The following CHP1 variants were observed in gnomAD, a reference collection of about 807,000 sequenced individuals.
CHP1 encodes the protein calcineurin B homologous protein 1.
CHP1 carries 11 observed loss-of-function variants against 27.4 expected under a neutral mutation model. The observed-to-expected ratio is 0.40, with a 90% CI of 0.25 to 0.67. The LOEUF (loss-of-function observed/expected upper bound fraction) is 0.67, where lower values mean the gene tolerates loss of function less well. Among genes scored for constraint, CHP1 ranks in the 30% least tolerant of loss-of-function variants. CHP1 has a pLI of 0.38. For missense variants in CHP1, 169 were observed against 251.3 expected, an observed-to-expected ratio of 0.67 and a Z score of 2.22; for synonymous variants, 89 against 87.4, an observed-to-expected ratio of 1.02 and a Z score of -0.10.
intron 3 of CHP1, among the ~76,000 whole-genome samples, chr15:41,257,745 A>T (rs552228144): frequency 2.6e-5 from 4 of 151,698 alleles, no homozygotes; most frequent in African/African-American, 9.7e-5. Context: ...TTTTTAGTAG[A>T]GACAGGGTTT....
chr15:41,233,594 T>C (rs1301861803), intron 1 of CHP1, among the ~76,000 whole-genome samples: 1 of 152,202 alleles, frequency 6.6e-6, no homozygotes, highest in Non-Finnish European at 1.5e-5. Context: ...ACAGTGTCTG[T>C]TCAGTACTGT....
chr15:41,267,784 T>A (rs1382397770), intron 4 of CHP1, among the ~76,000 whole-genome samples: 1 of 146,404 alleles, frequency 6.8e-6, no homozygotes, highest in African/African-American at 2.6e-5. Context: ...AAAAAAAAAA[T>A]TGAGCTGGGC....
chr15:41,248,138 T>C (rs1281680541), intron 2 of CHP1, among the ~76,000 whole-genome samples: 2 of 151,800 alleles, frequency 1.3e-5, no homozygotes, highest in African/African-American at 4.8e-5. Flanking sequence ...CTGTTCTCCA[T>C]GCTGGCAATA....
chr15:41,268,641 CAAA>C (rs781241008), intron 4 of CHP1, among the ~76,000 whole-genome samples: 1 of 128,992 alleles, frequency 7.8e-6, no homozygotes. Context: ...GACTCCATCT[CAAA>C]AAAAAAAAAA....
intron 1 of CHP1, among the ~76,000 whole-genome samples, chr15:41,233,308 T>G (rs895989804): frequency 6.6e-6 from 1 of 152,134 alleles, no homozygotes; most frequent in African/African-American, 2.4e-5. Flanking sequence ...AATGAGAAAG[T>G]GTAAACCATA....
chr15:41,243,693 T>A lies in CHP1; in HGVS notation c.94T>A (p.Tyr32Asn), dbSNP rs777233579. ...GFSHSQITRLYSRFTSLDKGE... is the reference protein window; with the variant it reads ...GFSHSQITRLNSRFTSLDKGE... ...TTCCCACAGTCAAATCACTCGCCTC[T>A]ACAGCCGGTTCACCAGCCTGGACAA... Residue 32 changes from tyrosine to asparagine, a missense_variant, in exon 2 of 7, where the codon TAC becomes AAC. By Grantham distance (143) the Tyr-to-Asn change is moderately radical. Coordinates refer to ENST00000334660, the MANE Select transcript of CHP1 (RefSeq NM_007236.5). The A allele has an allele frequency of 6.2e-7, 1 of 1,614,134 alleles. No individual in the cohort carries two copies. Among genetic ancestry groups the A allele is most frequent in the African/African-American group, 1.3e-5 (1 of 75,048 alleles).
intron 2 of CHP1, among the ~76,000 whole-genome samples, chr15:41,247,548 T>C (rs2047341680): frequency 6.6e-6 from 1 of 151,930 alleles, no homozygotes; most frequent in African/African-American, 2.4e-5. Context: ...GGCGCACGCC[T>C]GTAATCCCAG....
chr15:41,247,672 A>G (rs573421746), intron 2 of CHP1, among the ~76,000 whole-genome samples: 5 of 149,704 alleles, frequency 3.3e-5, no homozygotes, highest in African/African-American at 1.2e-4. Context: ...ACTCCATCTT[A>G]AAATAAATAA....
intron 2 of CHP1, among the ~76,000 whole-genome samples, chr15:41,249,767 C>T (rs1056594684): frequency 2.0e-5 from 3 of 151,994 alleles, no homozygotes; most frequent in East Asian, 1.9e-4. Flanking sequence ...CCACTGCGCC[C>T]GGCCTCGCCT....
chr15:41,251,835 G>A lies in CHP1; in HGVS notation c.141-5075G>A, dbSNP rs149498921. 3.1e-3 allele frequency among the ~76,000 whole-genome samples: 461 copies of A among 150,114 alleles called. 3 individuals are homozygous for A. Among genetic ancestry groups the A allele is most frequent in the African/African-American group, 0.011 (437 of 40,752 alleles). On this transcript the variant is annotated intron_variant, in intron 2 of 6. Coordinates refer to ENST00000334660, the MANE Select transcript of CHP1 (RefSeq NM_007236.5). ...TTTTTTTTTTTTAATTAGAGACAGG[G>A]TTTCCCTATGTTGCCCAGGCTGGTC...
chr15:41,246,685 A>G, intron 2 of CHP1, among the ~76,000 whole-genome samples: 1 of 121,546 alleles, frequency 8.2e-6, no homozygotes, highest in Admixed American at 1.1e-4. Context: ...CATGGTCTCG[A>G]TATCCTGACC....
Position 41,264,187 on chromosome 15 carries a change from G to T in CHP1, c.349+1304G>T, listed in dbSNP as rs564743126. ...CAGTAGAGGAAGAGAGATATATATA[G>T]AGAGAGATCGAGACTGAAATTGAGC... On this transcript the variant is annotated intron_variant, in intron 4 of 6. Coordinates refer to ENST00000334660, the MANE Select transcript of CHP1 (RefSeq NM_007236.5). 1.5e-5 allele frequency: 19 copies of T among 1,285,868 alleles called. No individual in the cohort carries two copies. The East Asian group carries it at 2.8e-4, about 19-fold the overall frequency. 79.7% of individuals were successfully genotyped at this position (1,285,868 alleles called of 1,614,324 possible).
intron 4 of CHP1, among the ~76,000 whole-genome samples, chr15:41,268,014 G>A (rs776559000): frequency 6.6e-6 from 1 of 151,398 alleles, no homozygotes; most frequent in Non-Finnish European, 1.5e-5. Flanking sequence ...ACAAATGTTT[G>A]AGCACCTACT....
chr15:41,264,590 A>C (rs2047450983), intron 4 of CHP1, among the ~76,000 whole-genome samples: 1 of 151,924 alleles, frequency 6.6e-6, no homozygotes, highest in African/African-American at 2.4e-5. Context: ...AGGCGTGTGC[A>C]CTACACCCAG....
At chr15:41,256,567 T>C in intron 2 of CHP1, 1 of 271,498 alleles carries the variant, frequency 3.7e-6, no homozygotes, top group Non-Finnish European at 7.2e-6. Context: ...GCTGTTCACT[T>C]TCCAAACTTA....
chr15:41,232,198 C>T (rs2047250386), intron 1 of CHP1, among the ~76,000 whole-genome samples: 2 of 149,470 alleles, frequency 1.3e-5, no homozygotes, highest in African/African-American at 5.0e-5. Flanking sequence ...TGAATTTGTA[C>T]TAGGAACTGA....
intron 4 of CHP1, chr15:41,264,150 G>A (rs1303057796): frequency 8.0e-7 from 1 of 1,252,316 alleles, no homozygotes; most frequent in Non-Finnish European, 1.0e-6. Flanking sequence ...TTTTTTTCTT[G>A]TTCACATCTG....
At chr15:41,269,540 C>T (rs1013502427) in intron 4 of CHP1, among the ~76,000 whole-genome samples, 3 of 152,070 alleles carry the variant, frequency 2.0e-5, no homozygotes, top group Non-Finnish European at 2.9e-5. Flanking sequence ...GATATTTCCC[C>T]AGCTGCACCA....
At chr15:41,262,729 G>A (rs756303327) in intron 3 of CHP1, 27 bp from the exon 4 acceptor site, 15 of 1,610,708 alleles carry the variant, frequency 9.3e-6, no homozygotes. Context: ...TTGACATGGT[G>A]TTGTGTTTGT....
Sources: gnomAD v4.1 joint callset for allele counts (sites outside exome capture counted in the v4.1 genomes callset) on GRCh38, gnomAD v4.1.1 for gene constraint, MANE v1.5 for transcripts, NCBI Gene and HGNC (gene_info 2026-07-23, HGNC 2026-07-21) for gene names.